ZNF384: variants seen among roughly 807,000 people sequenced by gnomAD.
ZNF384 encodes zinc finger protein 384.
Under a neutral mutation model 65.0 loss-of-function variants are expected in ZNF384, and 20 were observed. The observed-to-expected ratio is 0.31, with a 90% CI of 0.22 to 0.45. The LOEUF (loss-of-function observed/expected upper bound fraction) is 0.45. Among genes scored for constraint, ZNF384 ranks in the 20% least tolerant of loss-of-function variants. The probability of loss-of-function intolerance (pLI) is 1.00; values close to 1 mark genes in which losing one functional copy is unlikely to be tolerated. For synonymous variants in ZNF384, 310 were observed against 303.9 expected, an observed-to-expected ratio of 1.02 and a Z score of -0.21; for missense variants, 549 against 769.4, an observed-to-expected ratio of 0.71 and a Z score of 3.39.
rs776617340 is a variant in ZNF384, at chr12:6,667,842, T to G, written c.1699A>C (p.Ser567Arg). The change falls in exon 12 of 12, where the codon AGC becomes CGC. Residue 567 changes from serine to arginine, a missense_variant. By Grantham distance (110) the Ser-to-Arg change is moderately radical. Coordinates refer to ENST00000683879, the MANE Select transcript of ZNF384 (RefSeq NM_001385745.1). ...CACTGGGGTGGAGGGTTGGGATTGCTGTCCCCACCACCCCCACCCTGGGGG... is the reference window on the plus strand; with the variant it reads ...CACTGGGGTGGAGGGTTGGGATTGCGGTCCCCACCACCCCCACCCTGGGGG... Reference protein sequence around the residue: ...AAPQGGGGGDSNPNPPPQCSF... With the variant: ...AAPQGGGGGDRNPNPPPQCSF... 40 of 1,614,210 alleles carry G rather than the reference T, an allele frequency of 2.5e-5. No individual in the cohort carries two copies. Among genetic ancestry groups the G allele is most frequent in the Non-Finnish European group, 3.4e-5 (40 of 1,180,036 alleles).
chr12:6,676,708 C>A (rs986173846), intron 7 of ZNF384, among the ~76,000 whole-genome samples: 2 of 152,042 alleles, frequency 1.3e-5, no homozygotes, highest in Non-Finnish European at 2.9e-5. Context: ...GATTTCTATA[C>A]GATAACTTAA....
At chr12:6,675,094 A>T (rs763619315) in intron 7 of ZNF384, among the ~76,000 whole-genome samples, 3 of 152,260 alleles carry the variant, frequency 2.0e-5, no homozygotes, top group Non-Finnish European at 4.4e-5. Context: ...GGTTAATTTT[A>T]AAAAATAATA....
At chr12:6,681,175 C>T (rs1273227141) in intron 2 of ZNF384, among the ~76,000 whole-genome samples, 3 of 149,718 alleles carry the variant, frequency 2.0e-5, no homozygotes, top group Non-Finnish European at 3.0e-5. Flanking sequence ...GCCAAGATTG[C>T]GCCATTGCCT....
intron 2 of ZNF384, among the ~76,000 whole-genome samples, chr12:6,687,385 G>T (rs1958312921): frequency 2.0e-5 from 3 of 152,116 alleles, no homozygotes; most frequent in Admixed American, 2.0e-4. Flanking sequence ...ATAAATGATG[G>T]ATCTGGGGAA....
In ZNF384 at chr12:6,668,038, C is replaced by T. The variant is rs1555086582; in HGVS notation, c.1503G>A (p.Ala501=). The change falls in exon 12 of 12, where the codon GCG becomes GCA. Residue 501 remains alanine, a synonymous_variant. Coordinates refer to ENST00000683879, the MANE Select transcript of ZNF384 (RefSeq NM_001385745.1). Reference sequence around the variant, plus strand: ...GAGCCTGGGCCTGGGCCACTGCTGCCGCTGCTGCTGCTGCCTGCACCTGTT... The same window carrying T: ...GAGCCTGGGCCTGGGCCACTGCTGCTGCTGCTGCTGCTGCCTGCACCTGTT... ...LQQQVQAAAA[A]AAVAQAQAQA... is the part of the protein sequence containing the mutation. The T allele has an allele frequency of 8.7e-6, 14 of 1,613,050 alleles. No homozygotes were observed. Among genetic ancestry groups the T allele is most frequent in the African/African-American group, 4.0e-5 (3 of 74,936 alleles).
In ZNF384 at chr12:6,684,512, C is replaced by T. The variant is rs187133178; in HGVS notation, c.-6+3655G>A. Among the ~76,000 whole-genome samples the T allele has an allele frequency of 5.9e-5, 9 of 152,152 alleles. 1 individual carries two copies. The South Asian group carries it at 8.3e-4, about 14-fold the overall frequency. Reference sequence around the variant, plus strand: ...GATGACAGAGCCTGAATAAAGAGGCCGGACTTTACAAAGGAAAATAAATAA... The same window carrying T: ...GATGACAGAGCCTGAATAAAGAGGCTGGACTTTACAAAGGAAAATAAATAA... On this transcript the variant is annotated intron_variant, in intron 2 of 11. Coordinates refer to ENST00000683879, the MANE Select transcript of ZNF384 (RefSeq NM_001385745.1).
chr12:6,677,283 A>C, intron 6 of ZNF384, 24 bp from the exon 7 acceptor site: 1 of 1,305,874 alleles, frequency 7.7e-7, no homozygotes, highest in South Asian at 1.2e-5. Flanking sequence ...AACATTGCCC[A>C]TCTGGGTACA....
chr12:6,675,942 A>T (rs1953365447), intron 7 of ZNF384, among the ~76,000 whole-genome samples: 1 of 152,170 alleles, frequency 6.6e-6, no homozygotes, highest in South Asian at 2.1e-4. Flanking sequence ...GTCAAATGCT[A>T]CTGACCACTG....
intron 3 of ZNF384, 54 bp downstream of exon 3, chr12:6,679,401 G>T: frequency 6.5e-7 from 1 of 1,536,782 alleles, no homozygotes; most frequent in Non-Finnish European, 9.0e-7. Flanking sequence ...AGTCTCCATA[G>T]TAACAGAACT....
At chr12:6,686,107 T>C (rs369409797) in intron 2 of ZNF384, among the ~76,000 whole-genome samples, 2 of 152,330 alleles carry the variant, frequency 1.3e-5, no homozygotes, top group South Asian at 2.1e-4. Flanking sequence ...AACCCACTAA[T>C]TGTTTTTTTA....
At chr12:6,681,042 C>G (rs1449551355) in intron 2 of ZNF384, among the ~76,000 whole-genome samples, 1 of 152,050 alleles carries the variant, frequency 6.6e-6, no homozygotes, top group African/African-American at 2.4e-5. Flanking sequence ...CATGGTGAAA[C>G]CCCATCTCTA....
At chr12:6,671,661 AC>A (rs1951543526) in intron 9 of ZNF384, 1 of 152,320 alleles carries the variant, frequency 6.6e-6, no homozygotes, top group Non-Finnish European at 1.5e-5. Context: ...GCCGGGTGAG[AC>A]GGTCTATGGC....
intron 10 of ZNF384, among the ~76,000 whole-genome samples, chr12:6,669,996 T>C (rs1468162442): frequency 6.6e-6 from 1 of 152,084 alleles, no homozygotes; most frequent in African/African-American, 2.4e-5. Context: ...TGAAATCTTG[T>C]TCCCCTCAAA....
Position 6,683,828 on chromosome 12 carries a change from C to T in ZNF384, c.-5-4303G>A, listed in dbSNP as rs535450860. Among the ~76,000 whole-genome samples, 270 of 152,134 alleles carry T rather than the reference C, an allele frequency of 1.8e-3. 1 individual carries two copies. Among genetic ancestry groups the T allele is most frequent in the South Asian group, 9.7e-3 (47 of 4,832 alleles). On this transcript the variant is annotated intron_variant, in intron 2 of 11. Transcript: ENST00000683879. ...GGTCAGAAGTTCAAGACCAGTCTGG[C>T]CAAGATGGTGAAACCTTGTCTCTAC... is the stretch of plus-strand genomic sequence containing the variant.
In ZNF384 at chr12:6,672,630, G is replaced by C. The variant is rs1316288662; in HGVS notation, c.1005-98C>G. ...TGAAATGACGTTGCTTGACGGATGAGAGCACCCCCTTCCTCCCTCCTCCCA... is the reference window on the plus strand; with the variant it reads ...TGAAATGACGTTGCTTGACGGATGACAGCACCCCCTTCCTCCCTCCTCCCA... On this transcript the variant is annotated intron_variant, in intron 8 of 11. Coordinates refer to ENST00000683879, the MANE Select transcript of ZNF384 (RefSeq NM_001385745.1). The surrounding 1 kb of genome is among the most constrained non-coding windows in gnomAD (Gnocchi z 4.4). 1 of 1,224,542 alleles carries C rather than the reference G, an allele frequency of 8.2e-7. No homozygotes were observed. The highest frequency in any genetic ancestry group is 1.2e-6 in the Non-Finnish European group (1 of 869,188). 75.9% of individuals were successfully genotyped at this position (1,224,542 alleles called of 1,614,324 possible). A position where few individuals can be genotyped will look rare whatever the true frequency, so the allele number is the denominator to read the frequency against.
At chr12:6,681,510 T>TTA (rs1359084449) in intron 2 of ZNF384, among the ~76,000 whole-genome samples, 2 of 152,150 alleles carry the variant, frequency 1.3e-5, no homozygotes, top group African/African-American at 2.4e-5. Flanking sequence ...GCTGCTACTC[T>TTA]GAGCAAAGCA....
At chr12:6,668,720 A>G (rs1174534966) in intron 11 of ZNF384, among the ~76,000 whole-genome samples, 1 of 151,988 alleles carries the variant, frequency 6.6e-6, no homozygotes, top group Non-Finnish European at 1.5e-5. Flanking sequence ...AAAGAAAAAA[A>G]AAAAAAAAAG....
chr12:6,672,557 G>T lies in ZNF384; in HGVS notation c.1005-25C>A, dbSNP rs556541400. On this transcript the variant is annotated intron_variant, in intron 8 of 11. Transcript: ENST00000683879. The surrounding 1 kb of genome is among the most constrained non-coding windows in gnomAD (Gnocchi z 4.4). ...CCTGCCGGAGAGGAGAGGAGGGAAG[G>T]GGGGAGGAGGAAGCAGTTCGACACC... 3 of 1,610,022 alleles carry T rather than the reference G, an allele frequency of 1.9e-6. No individual in the cohort carries two copies. The highest frequency in any genetic ancestry group is 2.2e-5 in the South Asian group (2 of 90,822).
At position 6,679,546 on chromosome 12, in the gene ZNF384, C is replaced by G. The variant is rs909479643; in HGVS notation, c.-5-21G>C. ...TCTACCTGAAGAAAAAATGAGAGAA[C>G]ATGTCACACTCAGGAATTACTCAGA... On this transcript the variant is annotated intron_variant, in intron 2 of 11. Coordinates refer to ENST00000683879, the MANE Select transcript of ZNF384 (RefSeq NM_001385745.1). 4 of 1,588,512 alleles carry G rather than the reference C, an allele frequency of 2.5e-6. No individual in the cohort carries two copies. The Admixed American group carries it at 6.7e-5, about 26-fold the overall frequency.
Sources: gnomAD v4.1 joint callset for allele counts (sites outside exome capture counted in the v4.1 genomes callset) on GRCh38, gnomAD v4.1.1 for gene constraint, Gnocchi (gnomAD v3.1) non-coding constraint, MANE v1.5 for transcripts, NCBI Gene and HGNC (gene_info 2026-07-23, HGNC 2026-07-21) for gene names.